Variants in MRTFB observed in about 807,000 individuals in gnomAD.
The protein encoded by MRTFB is myocardin-related transcription factor B.
In MRTFB, 29 loss-of-function variants were observed where a neutral mutation model predicts 104.2. The ratio of observed to expected loss-of-function variants is 0.28; its 90% CI spans 0.21 to 0.38. The LOEUF is 0.38. Ranked by LOEUF, MRTFB falls within the 10% of genes least tolerant of loss-of-function variation. The pLI, the probability that MRTFB is intolerant of heterozygous loss-of-function variation, is 1.00. For missense variants in MRTFB, 1,270 were observed against 1,341.6 expected, an observed-to-expected ratio of 0.95 and a Z score of 0.83; for synonymous variants, 535 against 519.5, an observed-to-expected ratio of 1.03 and a Z score of -0.41.
chr16:14,002,675 C>A, the MRTFB span, among the ~76,000 whole-genome samples: 1 of 152,198 alleles, frequency 6.6e-6, no homozygotes, highest in South Asian at 2.1e-4. Context: ...CCTCTCTCTC[C>A]CCTCCTCCCC....
chr16:14,217,997 T>A (rs542538763), intron 7 of MRTFB, among the ~76,000 whole-genome samples: 36 of 152,296 alleles, frequency 2.4e-4, no homozygotes, highest in Middle Eastern at 3.4e-3. Flanking sequence ...CTCCCTAAAG[T>A]GGGAGCGTAT....
intron 8 of MRTFB, among the ~76,000 whole-genome samples, chr16:14,224,560 A>G (rs904115215): frequency 6.6e-6 from 1 of 152,184 alleles, no homozygotes; most frequent in Non-Finnish European, 1.5e-5. Flanking sequence ...CTAGAGTCAA[A>G]TAAGACAGAA....
the MRTFB span, among the ~76,000 whole-genome samples, chr16:14,045,043 C>T: frequency 6.6e-6 from 1 of 152,138 alleles, no homozygotes; most frequent in Non-Finnish European, 1.5e-5. Context: ...CCTTTTGCCC[C>T]TGTCTCATTT....
chr16:14,057,962 A>C, the MRTFB span, among the ~76,000 whole-genome samples: 3 of 152,228 alleles, frequency 2.0e-5, no homozygotes, highest in African/African-American at 7.2e-5. Context: ...TCCCAGAGCC[A>C]GGGGTGGGGG....
rs1324352255 is a variant in MRTFB at position 14,221,658 on chromosome 16, TAATTTTTAATCTTGA to T, written c.693+2663_693+2677del. On this transcript the variant is annotated intron_variant, in intron 8 of 16. Coordinates refer to ENST00000571589, the MANE Select transcript of MRTFB (RefSeq NM_001308142.2). ...TCTTTCAGGGGTTCTTTGAGATTCT[TAATTTTTAATCTTGA>T]AAATAACTCATTGTAAGAGTTTGAT... Among the ~76,000 whole-genome samples the T allele has an allele frequency of 9.2e-5, 14 of 152,352 alleles. 1 individual carries two copies. The highest frequency in any genetic ancestry group is 1.3e-4 in the Admixed American group (2 of 15,302).
chr16:14,078,417 G>A (rs1269843537), intron 1 of MRTFB, among the ~76,000 whole-genome samples: 1 of 151,736 alleles, frequency 6.6e-6, no homozygotes, highest in East Asian at 1.9e-4. Flanking sequence ...CAAAGCTTAT[G>A]CCCACCCCTC....
chr16:14,191,081 C>G (rs1271264329), intron 3 of MRTFB, among the ~76,000 whole-genome samples: 1 of 152,242 alleles, frequency 6.6e-6, no homozygotes, highest in African/African-American at 2.4e-5. Flanking sequence ...ATCACTTTAC[C>G]AAAGCACCAG....
upstream of MRTFB, among the ~76,000 whole-genome samples, chr16:14,069,539 G>T (rs1167960928): frequency 6.6e-6 from 1 of 152,240 alleles, no homozygotes; most frequent in East Asian, 1.9e-4. Context: ...AGACTGGAGG[G>T]CAGTGGCACA....
At chr16:14,245,207 A>C (rs2042958973) in intron 10 of MRTFB, among the ~76,000 whole-genome samples, 1 of 152,116 alleles carries the variant, frequency 6.6e-6, no homozygotes, top group Non-Finnish European at 1.5e-5. Context: ...CAGCAACATC[A>C]CACATTAATT....
intron 2 of MRTFB, among the ~76,000 whole-genome samples, chr16:14,100,099 G>A (rs1596823116): frequency 6.6e-6 from 1 of 152,148 alleles, no homozygotes; most frequent in African/African-American, 2.4e-5. Context: ...TATTTTTCTT[G>A]CCTTATTGAA....
At chr16:14,153,031 A>G (rs574824907) in intron 3 of MRTFB, 2 of 152,292 alleles carry the variant, frequency 1.3e-5, no homozygotes, top group South Asian at 4.1e-4. Flanking sequence ...CTAAAAATAA[A>G]ATTCATGTTA....
chr16:14,166,424 A>G (rs908359989), intron 3 of MRTFB, among the ~76,000 whole-genome samples: 3 of 152,164 alleles, frequency 2.0e-5, no homozygotes, highest in African/African-American at 7.2e-5. Context: ...AAGAATGTCA[A>G]CATCAGTACA....
chr16:14,153,823 G>T (rs923906318), intron 3 of MRTFB, among the ~76,000 whole-genome samples: 1 of 152,144 alleles, frequency 6.6e-6, no homozygotes, highest in Non-Finnish European at 1.5e-5. Flanking sequence ...GATTAATAAA[G>T]TTGTTCAAGT....
rs1330748166 is a variant in MRTFB, at chr16:14,252,264, T to C, written c.2566-101T>C. 66 of 1,502,656 alleles carry C rather than the reference T, an allele frequency of 4.4e-5. No individual in the cohort carries two copies. The Middle Eastern group carries it at 5.3e-4, about 12-fold the overall frequency. 93.1% of individuals were successfully genotyped at this position (1,502,656 alleles called of 1,614,324 possible). ...TAAAAGAACCTGCTCATGAATTCCC[T>C]GATTTGGCCACTACATAGAGAACAG... On this transcript the variant is annotated intron_variant, in intron 14 of 16. Coordinates refer to ENST00000571589, the MANE Select transcript of MRTFB (RefSeq NM_001308142.2).
intron 3 of MRTFB, among the ~76,000 whole-genome samples, chr16:14,199,664 A>G (rs534386226): frequency 3.3e-5 from 5 of 152,334 alleles, no homozygotes; most frequent in South Asian, 2.1e-4. Context: ...ATGTATCTCA[A>G]ATCTATTCAT....
chr16:14,009,998 T>C, the MRTFB span, among the ~76,000 whole-genome samples: 2 of 152,190 alleles, frequency 1.3e-5, no homozygotes, highest in Admixed American at 6.5e-5. Context: ...AGAAACCCTC[T>C]TCCTTTTTCA....
the MRTFB span, among the ~76,000 whole-genome samples, chr16:14,042,452 T>C: frequency 6.6e-6 from 1 of 152,148 alleles, no homozygotes; most frequent in Non-Finnish European, 1.5e-5. Context: ...TTTTTGATAG[T>C]GGCCATTCAA....
chr16:14,153,702 C>A (rs80107033), intron 3 of MRTFB, among the ~76,000 whole-genome samples: 13,234 of 152,174 alleles, frequency 0.087, 1,846 homozygotes, highest in African/African-American at 0.29. Flanking sequence ...GGTGTTATTA[C>A]ACTGAAACTA....
the MRTFB span, among the ~76,000 whole-genome samples, chr16:14,012,079 T>C: frequency 1.3e-5 from 2 of 151,966 alleles, no homozygotes; most frequent in Non-Finnish European, 2.9e-5. Context: ...ATCATGGAGA[T>C]GGCTTAGAGT....
Sources: allele counts gnomAD v4.1 joint callset (sites outside exome capture counted in the v4.1 genomes callset), GRCh38; gene constraint gnomAD v4.1.1; transcripts MANE v1.5; gene names NCBI Gene and HGNC (gene_info 2026-07-23, HGNC 2026-07-21).